The following HPR variants were observed in gnomAD, a reference collection of about 807,000 sequenced individuals.
HPR encodes the protein Haptoglobin-related locus.
A neutral mutation model predicts 18.5 loss-of-function variants in HPR; 17 were observed. The ratio of observed to expected loss-of-function variants is 0.92; its 90% CI spans 0.63 to 1.38. The LOEUF (loss-of-function observed/expected upper bound fraction) is 1.38, where lower values mean the gene tolerates loss of function less well. Ranked by LOEUF, HPR falls within the 40% of genes most tolerant of loss-of-function variation. The pLI, the probability that HPR is intolerant of heterozygous loss-of-function variation, is 0.00. For synonymous variants in HPR, 176 were observed against 165.0 expected (o/e 1.07, Z -0.51); for missense variants, 457 against 432.4 (o/e 1.06, Z -0.51).
In HPR at chr16:72,076,727, C is replaced by G; in HGVS notation, c.693C>G (p.Asn231Lys). 1 of 1,614,204 alleles carries G rather than the reference C, an allele frequency of 6.2e-7. No homozygotes were observed. Among genetic ancestry groups the G allele is most frequent in the Middle Eastern group, 1.6e-4 (1 of 6,062 alleles). The change falls in exon 5 of 5, where the codon AAC becomes AAG. Residue 231 changes from asparagine to lysine, a missense_variant. By Grantham distance (94) the Asn-to-Lys change is moderately conservative. Coordinates refer to ENST00000540303, the MANE Select transcript of HPR (RefSeq NM_020995.4). ...TGTCTGGCTGGGGACAAAGTGACAA[C>G]TTTAAACTTACTGACCATCTGAAGT... ...GYVSGWGQSD[N>K]FKLTDHLKYV...
intron 1 of HPR, among the ~76,000 whole-genome samples, chr16:72,067,005 T>C (rs1379181931): frequency 1.3e-5 from 2 of 151,996 alleles, no homozygotes; most frequent in African/African-American, 4.8e-5. Flanking sequence ...CCAGGCCCCC[T>C]AAAGAGCATA....
At chr16:72,074,133 G>A (rs1439779254) in intron 2 of HPR, 151 bp from the exon 3 acceptor site, 4 of 1,248,722 alleles carry the variant, frequency 3.2e-6, no homozygotes, top group South Asian at 1.3e-5. Flanking sequence ...TGGGGATCCT[G>A]CCAGAAATGA....
chr16:72,077,088 G>C lies in HPR; in HGVS notation c.*7G>C. The C allele has an allele frequency of 1.2e-6, 2 of 1,602,452 alleles. No homozygotes were observed. The highest frequency in any genetic ancestry group is 1.7e-6 in the Non-Finnish European group (2 of 1,172,028). On this transcript the variant is annotated 3_prime_UTR_variant, in exon 5 of 5. Coordinates refer to ENST00000540303, the MANE Select transcript of HPR (RefSeq NM_020995.4). ...GACCATAGCTGAGAACTAATGCAAG[G>C]CTGGCCGGAAGCCCTTGCCTGAAAG...
chr16:72,063,348 C>A, intron 1 of HPR, 88 bp downstream of exon 1: 2 of 1,358,358 alleles, frequency 1.5e-6, no homozygotes, highest in Non-Finnish European at 2.0e-6. Context: ...AGAAATAGAA[C>A]AAAGAAACAG....
intron 1 of HPR, among the ~76,000 whole-genome samples, chr16:72,068,751 A>G (rs1396413948): frequency 6.6e-6 from 1 of 152,160 alleles, no homozygotes; most frequent in Non-Finnish European, 1.5e-5. Context: ...AAGAGAGTAG[A>G]AAATTAACCT....
intron 1 of HPR, among the ~76,000 whole-genome samples, chr16:72,063,795 G>A (rs2041567614): frequency 6.6e-6 from 1 of 152,038 alleles, no homozygotes; most frequent in South Asian, 2.1e-4. Context: ...CCAGGATGGA[G>A]TGAGTGGCGC....
chr16:72,073,717 C>A, intron 1 of HPR, 175 bp from the exon 2 acceptor site: 1 of 1,518,592 alleles, frequency 6.6e-7, no homozygotes, highest in Non-Finnish European at 8.8e-7. Context: ...CTTCTTGGTC[C>A]TAGCACTTCC....
intron 1 of HPR, among the ~76,000 whole-genome samples, chr16:72,068,010 T>A (rs1014714629): frequency 1.7e-4 from 26 of 152,094 alleles, no homozygotes; most frequent in Admixed American, 4.6e-4. Context: ...CCAGTTAGGG[T>A]GAAAACAATG....
rs1179101176 is a variant in HPR, at chr16:72,075,197, T to A, written c.246T>A (p.Asp82Glu). The A allele has an allele frequency of 2.7e-6, 4 of 1,477,946 alleles. No individual in the cohort carries two copies. In the African/African-American group the frequency reaches 5.5e-5, roughly 20 times the overall value. The allele number at this position is 1,477,946 out of a possible 1,614,324, so 91.6% of individuals were successfully genotyped here. A position where few individuals can be genotyped will look rare whatever the true frequency, so the allele number is the denominator to read the frequency against. Reference protein sequence around the residue: ...KKQWINKAVGDKLPECEAVCG... With the variant: ...KKQWINKAVGEKLPECEAVCG... ...AGTGGATAAATAAGGCTGTTGGAGATAAACTTCCTGAATGTGAAGCAGGTG... is the reference window on the plus strand; with the variant it reads ...AGTGGATAAATAAGGCTGTTGGAGAAAAACTTCCTGAATGTGAAGCAGGTG... The change falls in exon 4 of 5, where the codon GAT becomes GAA. Residue 82 changes from aspartate to glutamate, a missense_variant. Asp to Glu is a conservative substitution (Grantham distance 45, BLOSUM62 2). Coordinates refer to ENST00000540303, the MANE Select transcript of HPR (RefSeq NM_020995.4).
intron 1 of HPR, among the ~76,000 whole-genome samples, chr16:72,065,589 T>C (rs2144060389): frequency 1.3e-5 from 2 of 152,322 alleles, no homozygotes; most frequent in Middle Eastern, 3.4e-3. Context: ...TGATAAAATA[T>C]TGCTGTTTCA....
chr16:72,074,825 G>A (rs545423650), intron 3 of HPR: 22 of 647,122 alleles, frequency 3.4e-5, no homozygotes, highest in South Asian at 2.1e-4. Flanking sequence ...CAGAGGCACC[G>A]ACAGGTTGAG....
intron 1 of HPR, among the ~76,000 whole-genome samples, chr16:72,067,687 G>T (rs1427314918): frequency 6.6e-6 from 1 of 152,116 alleles, no homozygotes; most frequent in African/African-American, 2.4e-5. Flanking sequence ...TCCCTTAGAG[G>T]GCATGCTAGG....
chr16:72,075,113 T>C, intron 3 of HPR, 32 bp from the exon 4 acceptor site: 1 of 793,242 alleles, frequency 1.3e-6, no homozygotes, highest in African/African-American at 1.6e-5. Context: ...ACTTGACTTT[T>C]CCTTTGGCTC....
intron 1 of HPR, 99 bp from the exon 2 acceptor site, chr16:72,073,789 TGTGC>T: frequency 3.8e-6 from 6 of 1,598,186 alleles, no homozygotes; most frequent in East Asian, 2.3e-5. Flanking sequence ...CATGTGTGTG[TGTGC>T]GTGTGTGTGT....
chr16:72,067,676 T>C lies in HPR; in HGVS notation c.5+4416T>C, dbSNP rs188238355. Among the ~76,000 whole-genome samples, 331 of 152,212 alleles carry C rather than the reference T, an allele frequency of 2.2e-3. 1 individual carries two copies. The highest frequency in any genetic ancestry group is 7.3e-3 in the African/African-American group (301 of 41,512). Reference sequence around the variant, plus strand: ...GTAGTGAGGAGGAAGCAATTCCCCATTCCCTTAGAGGGCATGCTAGGGCTA... The same window carrying C: ...GTAGTGAGGAGGAAGCAATTCCCCACTCCCTTAGAGGGCATGCTAGGGCTA... On this transcript the variant is annotated intron_variant, in intron 1 of 4. Transcript: ENST00000540303.
intron 1 of HPR, among the ~76,000 whole-genome samples, chr16:72,070,803 A>G (rs1012456978): frequency 6.6e-6 from 1 of 152,198 alleles, no homozygotes; most frequent in Non-Finnish European, 1.5e-5. Context: ...TCAACCAAGT[A>G]TAAGTATAGA....
intron 3 of HPR, 52 bp downstream of exon 3, chr16:72,074,437 A>T: frequency 7.1e-7 from 1 of 1,412,832 alleles, no homozygotes; most frequent in Non-Finnish European, 1.0e-6. Flanking sequence ...CTGCTCTGAC[A>T]TTTCCATGAT....
chr16:72,073,714 G>T lies in HPR; in HGVS notation c.6-178G>T. The T allele has an allele frequency of 2.6e-6, 4 of 1,513,534 alleles. No individual in the cohort carries two copies. The South Asian group carries it at 4.7e-5, about 18-fold the overall frequency. The allele number at this position is 1,513,534 out of a possible 1,614,324, so 93.8% of individuals were successfully genotyped here. On this transcript the variant is annotated intron_variant, in intron 1 of 4. Coordinates refer to ENST00000540303, the MANE Select transcript of HPR (RefSeq NM_020995.4). ...GGCGGAGGGTGGGGGCAACTTCTTG[G>T]TCCTAGCACTTCCATATATTGATTT...
At chr16:72,070,828 C>G (rs868170182) in intron 1 of HPR, among the ~76,000 whole-genome samples, 56 of 152,138 alleles carry the variant, frequency 3.7e-4, no homozygotes, top group Middle Eastern at 3.2e-3. Flanking sequence ...TAAAAAGTCC[C>G]TGTGGTGACT....
Sources: allele counts gnomAD v4.1 joint callset (sites outside exome capture counted in the v4.1 genomes callset), GRCh38; gene constraint gnomAD v4.1.1; transcripts MANE v1.5; gene names NCBI Gene and HGNC (gene_info 2026-07-23, HGNC 2026-07-21).